Variants in GRB10 observed in about 807,000 individuals in gnomAD.
GRB10 encodes the protein growth factor receptor-bound protein 10.
A neutral mutation model predicts 80.9 loss-of-function variants in GRB10; 20 were observed. That is an observed-to-expected ratio of 0.25 (90% CI 0.17 to 0.36). The LOEUF (loss-of-function observed/expected upper bound fraction) is 0.36, where lower values mean the gene tolerates loss of function less well. Ranked by LOEUF, GRB10 falls within the 10% of genes least tolerant of loss-of-function variation. The pLI is 1.00. For synonymous variants in GRB10, 291 were observed against 291.5 expected (o/e 1.00, Z 0.02); for missense variants, 548 against 747.7 (o/e 0.73, Z 3.12).
At chr7:50,658,193 C>T (rs955613667) in intron 7 of GRB10, among the ~76,000 whole-genome samples, 4 of 152,212 alleles carry the variant, frequency 2.6e-5, no homozygotes, top group African/African-American at 9.7e-5. Flanking sequence ...AAATAAAGCG[C>T]CAATGTCCAC....
At chr7:50,666,739 C>T (rs1313739396) in intron 7 of GRB10, among the ~76,000 whole-genome samples, 2 of 152,086 alleles carry the variant, frequency 1.3e-5, no homozygotes, top group African/African-American at 4.8e-5. Flanking sequence ...CAAGGAGTCA[C>T]TTAAAAAGGA....
chr7:50,635,139 C>T lies in GRB10; in HGVS notation c.505-8161G>A, dbSNP rs140191037. ...TGACCAGATGCTTTGCCATAAAGCA[C>T]ATTTCAATAAATTTTTTAAAAAATC... On this transcript the variant is annotated intron_variant, in intron 7 of 18. Coordinates refer to ENST00000401949, the MANE Select transcript of GRB10 (RefSeq NM_001350814.2). Among the ~76,000 whole-genome samples the T allele has an allele frequency of 7.3e-3, 1,109 of 152,262 alleles. 17 individuals are homozygous for T. Among genetic ancestry groups the T allele is most frequent in the African/African-American group, 0.024 (1,009 of 41,540 alleles).
intron 2 of GRB10, among the ~76,000 whole-genome samples, chr7:50,763,147 T>C (rs1281185442): frequency 6.8e-6 from 1 of 147,934 alleles, no homozygotes; most frequent in Non-Finnish European, 1.5e-5. Flanking sequence ...TGGGACAAAA[T>C]ATTTCCATTA....
chr7:50,635,778 T>C (rs1277152042), intron 7 of GRB10, among the ~76,000 whole-genome samples: 1 of 151,642 alleles, frequency 6.6e-6, no homozygotes, highest in African/African-American at 2.4e-5. Context: ...CTAAAAAACC[T>C]AGAGGAAATG....
intron 7 of GRB10, among the ~76,000 whole-genome samples, chr7:50,633,209 G>T (rs2054334105): frequency 6.6e-6 from 1 of 152,186 alleles, no homozygotes; most frequent in Admixed American, 6.5e-5. Context: ...TTCTCTGTAG[G>T]AGACAGTGAG....
intron 4 of GRB10, among the ~76,000 whole-genome samples, chr7:50,728,233 T>A (rs927618906): frequency 6.6e-5 from 10 of 151,244 alleles, no homozygotes; most frequent in African/African-American, 1.2e-4. Flanking sequence ...GGTGTAGTAC[T>A]TAAAAATGAA....
chr7:50,674,017 G>T (rs2060631368), intron 6 of GRB10, among the ~76,000 whole-genome samples: 1 of 152,216 alleles, frequency 6.6e-6, no homozygotes, highest in South Asian at 2.1e-4. Context: ...AACTCTGAGG[G>T]AGGTCTGGGG....
intron 4 of GRB10, among the ~76,000 whole-genome samples, chr7:50,720,445 CT>C (rs2067534307): frequency 6.6e-6 from 1 of 152,076 alleles, no homozygotes; most frequent in African/African-American, 2.4e-5. Context: ...TTTGTCGAGA[CT>C]CATAACCGGT....
intron 7 of GRB10, among the ~76,000 whole-genome samples, chr7:50,632,647 C>G: frequency 6.6e-6 from 1 of 152,212 alleles, no homozygotes; most frequent in East Asian, 1.9e-4. Flanking sequence ...CAGGGCAGTG[C>G]GGATGACTTG....
intron 8 of GRB10, among the ~76,000 whole-genome samples, chr7:50,624,981 G>A (rs2052617557): frequency 6.6e-6 from 1 of 151,364 alleles, no homozygotes; most frequent in Non-Finnish European, 1.5e-5. Flanking sequence ...CATCTATAAA[G>A]AAGAGAAAGA....
chr7:50,665,212 G>T (rs1287183143), intron 7 of GRB10, among the ~76,000 whole-genome samples: 2 of 152,214 alleles, frequency 1.3e-5, no homozygotes, highest in African/African-American at 4.8e-5. Context: ...TCTAACATCA[G>T]TTTTTGCCTT....
In GRB10 at chr7:50,775,379, C is replaced by T. The variant is rs567420090; in HGVS notation, c.-217+5248G>A. Among the ~76,000 whole-genome samples, 54 of 152,316 alleles carry T rather than the reference C, an allele frequency of 3.5e-4. No individual in the cohort carries two copies. The South Asian group carries it at 7.0e-3, about 20-fold the overall frequency. ...GGGCAGGAGTTGGGTTCCCAAGGAC[C>T]TGGGCAGCCCTGCAGCCAACTGCTG... On this transcript the variant is annotated intron_variant, in intron 2 of 18. Coordinates refer to ENST00000401949, the MANE Select transcript of GRB10 (RefSeq NM_001350814.2).
intron 14 of GRB10, 63 bp from the exon 15 acceptor site, chr7:50,605,469 T>A (rs905477826): frequency 2.3e-6 from 3 of 1,285,568 alleles, no homozygotes; most frequent in Non-Finnish European, 3.4e-6. Context: ...AGTCTTGGCA[T>A]GAAACTATCA....
At chr7:50,679,530 A>C (rs2061330741) in intron 5 of GRB10, among the ~76,000 whole-genome samples, 1 of 152,210 alleles carries the variant, frequency 6.6e-6, no homozygotes, top group Non-Finnish European at 1.5e-5. Context: ...ACATAAGGAC[A>C]TGTTATTTGC....
In GRB10 at chr7:50,734,906, C is replaced by T. The variant is rs777313434; in HGVS notation, c.-46-2538G>A. Among the ~76,000 whole-genome samples the T allele has an allele frequency of 3.9e-5, 6 of 152,182 alleles. 1 individual carries two copies. Among genetic ancestry groups the T allele is most frequent in the South Asian group, 4.1e-4 (2 of 4,826 alleles). ...CCTGAGATCAGGAACAAGACAAAGACGCCAACTTTCACCACTTCTATTCAA... is the reference window on the plus strand; with the variant it reads ...CCTGAGATCAGGAACAAGACAAAGATGCCAACTTTCACCACTTCTATTCAA... On this transcript the variant is annotated intron_variant, in intron 3 of 18. Coordinates refer to ENST00000401949, the MANE Select transcript of GRB10 (RefSeq NM_001350814.2).
At chr7:50,719,332 G>A (rs939525433) in intron 4 of GRB10, among the ~76,000 whole-genome samples, 2 of 152,138 alleles carry the variant, frequency 1.3e-5, no homozygotes, top group Non-Finnish European at 2.9e-5. Context: ...ATCACTGCAG[G>A]CAGAGACAGA....
rs143447700 is a variant in GRB10, at chr7:50,711,023, C to T, written c.52-7115G>A. ...ACGGCACAGAAGGCACACTTAATAA[C>T]TCCACTAAGGTAAACAAAGACCAAT... On this transcript the variant is annotated intron_variant, in intron 4 of 18. Coordinates refer to ENST00000401949, the MANE Select transcript of GRB10 (RefSeq NM_001350814.2). The T allele has an allele frequency of 6.8e-5, 58 of 853,196 alleles. No homozygotes were observed. The African/African-American group carries it at 9.1e-4, about 13-fold the overall frequency. The allele number at this position is 853,196 out of a possible 1,614,324, so 52.9% of individuals were successfully genotyped here. A position where few individuals can be genotyped will look rare whatever the true frequency, so the allele number is the denominator to read the frequency against.
chr7:50,719,183 C>T (rs1038633421), intron 4 of GRB10, among the ~76,000 whole-genome samples: 5 of 152,124 alleles, frequency 3.3e-5, no homozygotes, highest in African/African-American at 4.8e-5. Context: ...ATAAACGGGG[C>T]GGAGACTGCA....
In GRB10 at chr7:50,730,419, TTATAA is replaced by T. The variant is rs566055395; in HGVS notation, c.51+1848_51+1852del. Among the ~76,000 whole-genome samples, 179 of 152,324 alleles carry T rather than the reference TTATAA, an allele frequency of 1.2e-3. 1 individual carries two copies. The highest frequency in any genetic ancestry group is 4.1e-3 in the African/African-American group (170 of 41,574). ...AAAACTCTGGAGATTTATCTAATTA[TTATAA>T]TATAATTACGACTGCTCAAGACTGG... On this transcript the variant is annotated intron_variant, in intron 4 of 18. Transcript: ENST00000401949.
Sources: gnomAD v4.1 joint callset for allele counts (sites outside exome capture counted in the v4.1 genomes callset) on GRCh38, gnomAD v4.1.1 for gene constraint, MANE v1.5 for transcripts, NCBI Gene and HGNC (gene_info 2026-07-23, HGNC 2026-07-21) for gene names.